LRCH2: variants seen among roughly 807,000 people sequenced by gnomAD.
LRCH2 encodes leucine-rich repeat and calponin homology domain-containing protein 2.
Under a neutral mutation model 68.9 loss-of-function variants are expected in LRCH2, and 38 were observed. The observed-to-expected ratio is 0.55, with a 90% CI of 0.43 to 0.72. The LOEUF (loss-of-function observed/expected upper bound fraction) is 0.72, where lower values mean the gene tolerates loss of function less well. Among genes scored for constraint, LRCH2 ranks in the 30% least tolerant of loss-of-function variants. The pLI is 0.00. For synonymous variants in LRCH2, 191 were observed against 208.1 expected (o/e 0.92, Z 0.71); for missense variants, 528 against 572.9 (o/e 0.92, Z 0.80).
chrX:115,198,226 G>A (rs782153363), intron 1 of LRCH2, among the ~76,000 whole-genome samples: 74 of 110,628 alleles, frequency 6.7e-4, no homozygotes, highest in African/African-American at 2.0e-3. Context: ...GGCTTAGAAA[G>A]CCTATTTAAC....
intron 14 of LRCH2, among the ~76,000 whole-genome samples, chrX:115,141,337 T>G (rs1365409832): frequency 2.7e-5 from 3 of 111,189 alleles, no homozygotes; most frequent in Non-Finnish European, 5.7e-5. Context: ...AGCTTTGGTT[T>G]TAAACATTTT....
At chrX:115,140,437 T>C (rs2072326638) in intron 14 of LRCH2, among the ~76,000 whole-genome samples, 1 of 110,677 alleles carries the variant, frequency 9.0e-6, no homozygotes, top group African/African-American at 3.3e-5. Context: ...CAAAACCAGA[T>C]GTCGTGGCTA....
intron 1 of LRCH2, among the ~76,000 whole-genome samples, chrX:115,215,576 G>A (rs1053882592): frequency 4.6e-5 from 5 of 108,754 alleles, no homozygotes; most frequent in East Asian, 2.9e-4. Flanking sequence ...ATGAAACCCC[G>A]TCTCTACTAA....
At chrX:115,195,059 C>T (rs1466071348) in intron 1 of LRCH2, among the ~76,000 whole-genome samples, 1 of 110,707 alleles carries the variant, frequency 9.0e-6, no homozygotes, top group Non-Finnish European at 1.9e-5. Flanking sequence ...CCGAGGTGGG[C>T]GGATCACAAG....
chrX:115,137,389 C>T (rs1374896825), intron 14 of LRCH2, among the ~76,000 whole-genome samples: 3 of 109,583 alleles, frequency 2.7e-5, no homozygotes, highest in South Asian at 3.9e-4. Flanking sequence ...AATTTAGACA[C>T]AGCAGAATAT....
intron 15 of LRCH2, among the ~76,000 whole-genome samples, chrX:115,129,826 TA>T (rs1194222119): frequency 2.7e-5 from 3 of 110,725 alleles, no homozygotes; most frequent in African/African-American, 9.8e-5. Flanking sequence ...ACAAAGTTCC[TA>T]AAAAAAATCT....
At chrX:115,198,436 T>C (rs1321288279) in intron 1 of LRCH2, 1 of 111,694 alleles carries the variant, frequency 9.0e-6, no homozygotes, top group African/African-American at 3.3e-5. Flanking sequence ...GCAGCAATGG[T>C]TCTGTGCTAC....
intron 1 of LRCH2, among the ~76,000 whole-genome samples, chrX:115,213,370 G>C (rs1430429930): frequency 9.0e-6 from 1 of 111,549 alleles, no homozygotes; most frequent in African/African-American, 3.3e-5. Flanking sequence ...TCCAGAGTCT[G>C]TGATAGAGGC....
chrX:115,166,816 C>T (rs1047135262), intron 6 of LRCH2, among the ~76,000 whole-genome samples: 1 of 110,540 alleles, frequency 9.0e-6, no homozygotes, highest in African/African-American at 3.3e-5. Flanking sequence ...TGAATATGCA[C>T]TTTAATACTT....
chrX:115,141,107 G>A (rs1026677143), intron 14 of LRCH2, among the ~76,000 whole-genome samples: 3 of 108,617 alleles, frequency 2.8e-5, no homozygotes, highest in East Asian at 2.9e-4. Flanking sequence ...GCATAGTGGC[G>A]GGTGCCTGTA....
chrX:115,189,559 A>C, intron 1 of LRCH2: 1 of 1,175,846 alleles, frequency 8.5e-7, no homozygotes, highest in Non-Finnish European at 1.1e-6. Context: ...GGTGTTCCTG[A>C]TGAAAGACCG....
At chrX:115,215,054 T>C (rs2073032637) in intron 1 of LRCH2, among the ~76,000 whole-genome samples, 1 of 112,641 alleles carries the variant, frequency 8.9e-6, no homozygotes, top group Admixed American at 9.4e-5. Flanking sequence ...GTAGTATTAC[T>C]TATTAAATGG....
intron 3 of LRCH2, 21 bp downstream of exon 3, chrX:115,184,390 T>A (rs782669726): frequency 1.5e-5 from 16 of 1,099,657 alleles, no homozygotes; most frequent in Non-Finnish European, 2.4e-6. Flanking sequence ...TTGCATTAAT[T>A]AATACAACTA....
intron 2 of LRCH2, among the ~76,000 whole-genome samples, chrX:115,186,338 A>C (rs1475601184): frequency 3.9e-5 from 4 of 102,599 alleles, no homozygotes; most frequent in African/African-American, 1.5e-4. Flanking sequence ...ACAGAGCAAG[A>C]CTCCGTCTAA....
At chrX:115,216,812 G>A (rs1255746139) in intron 1 of LRCH2, among the ~76,000 whole-genome samples, 5 of 111,710 alleles carry the variant, frequency 4.5e-5, no homozygotes, top group Non-Finnish European at 9.4e-5. Context: ...GAACCATGGA[G>A]GGTGTAGAAG....
At chrX:115,232,177 T>C (rs1000636189) in intron 1 of LRCH2, among the ~76,000 whole-genome samples, 9 of 107,213 alleles carry the variant, frequency 8.4e-5, no homozygotes, top group African/African-American at 3.1e-4. Context: ...ATGAAAGTCC[T>C]GAATGCCAAG....
chrX:115,170,367 A>T lies in LRCH2; in HGVS notation c.930T>A (p.Asp310Glu). ...GAAGATCCAGGGAATCTGGTTTCTT[A>T]TCCATTCTGCAACATGCTTGAATAT... The part of the protein sequence containing the change: ...YLNIQACCRM[D>E]KKPDSLDLPS... The change falls in exon 6 of 21, where the codon GAT becomes GAA. Residue 310 changes from aspartate to glutamate, a missense_variant. Transcript: ENST00000317135. 1 of 1,181,432 alleles carries T rather than the reference A, an allele frequency of 8.5e-7. No homozygotes were observed. The highest frequency in any genetic ancestry group is 1.1e-6 in the Non-Finnish European group (1 of 879,633).
At chrX:115,189,684 G>C in intron 1 of LRCH2, 1 of 1,168,252 alleles carries the variant, frequency 8.6e-7, no homozygotes, top group Non-Finnish European at 1.1e-6. Flanking sequence ...CCATCATGGT[G>C]GCCCAGACCA....
intron 2 of LRCH2, among the ~76,000 whole-genome samples, chrX:115,187,737 C>A (rs989526994): frequency 8.9e-6 from 1 of 112,739 alleles, no homozygotes; most frequent in African/African-American, 3.2e-5. Context: ...AACCTTTCAA[C>A]ATTCTCACCC....
Sources: gnomAD v4.1 joint callset for allele counts (sites outside exome capture counted in the v4.1 genomes callset) on GRCh38, gnomAD v4.1.1 for gene constraint, MANE v1.5 for transcripts, NCBI Gene and HGNC (gene_info 2026-07-23, HGNC 2026-07-21) for gene names.